The following DNAH3 variants were observed in gnomAD, a reference collection of about 807,000 sequenced individuals.
The protein encoded by DNAH3 is dynein axonemal heavy chain 3.
Under a neutral mutation model 432.5 loss-of-function variants are expected in DNAH3, and 332 were observed. The observed-to-expected ratio is 0.77, with a 90% CI of 0.70 to 0.84. DNAH3 has a LOEUF of 0.84. DNAH3 is among the 40% of genes least tolerant of loss of function. DNAH3 has a pLI of 0.00. For missense variants in DNAH3, 4,861 were observed against 5,114.0 expected (o/e 0.95, Z 1.51); for synonymous variants, 1,956 against 1,900.2 (o/e 1.03, Z -0.76).
intron 51 of DNAH3, among the ~76,000 whole-genome samples, chr16:20,973,695 C>T (rs933198278): frequency 6.6e-6 from 1 of 152,242 alleles, no homozygotes. Flanking sequence ...GTAGGTCAAG[C>T]CCTTACCAGG....
intron 47 of DNAH3, 113 bp downstream of exon 47, chr16:20,987,192 T>A: frequency 7.7e-7 from 1 of 1,299,178 alleles, no homozygotes; most frequent in East Asian, 2.3e-5. Flanking sequence ...TTCCCGAGAT[T>A]CAGAGTGCAG....
chr16:21,126,728 C>T (rs1425430128), intron 8 of DNAH3, among the ~76,000 whole-genome samples: 2 of 152,208 alleles, frequency 1.3e-5, no homozygotes, highest in Admixed American at 1.3e-4. Context: ...TCTGTATTTA[C>T]AGCCGCTCCC....
rs775943024 is a variant in DNAH3 at position 21,117,199 on chromosome 16, T to C, written c.1814+4A>G. On this transcript the variant is annotated splice_donor_region_variant and intron_variant, in intron 12 of 61. Coordinates refer to ENST00000261383, the Ensembl canonical transcript of DNAH3. ...ATAGCTAATAAATTTATAACTCAAC[T>C]TACTTGCAGGGGCCAACTTGATTTT... The C allele has an allele frequency of 6.3e-7, 1 of 1,589,024 alleles. No individual in the cohort carries two copies. The highest frequency in any genetic ancestry group is 1.1e-5 in the South Asian group (1 of 87,258).
Position 21,156,391 on chromosome 16 carries a change from C to T in DNAH3, c.117+2934G>A, listed in dbSNP as rs186843261. 2.9e-3 allele frequency among the ~76,000 whole-genome samples: 434 copies of T among 151,984 alleles called. 2 individuals are homozygous for T. The highest frequency in any genetic ancestry group is 1.0e-2 in the African/African-American group (413 of 41,434). On this transcript the variant is annotated intron_variant, in intron 1 of 61. Transcript: ENST00000261383. ...GGACTACAGGCATGTGCCACTATGC[C>T]CGGCTAACTTTTGTATTTTTAGTAG...
chr16:21,051,524 T>C (rs1183507642), intron 29 of DNAH3, 146 bp downstream of exon 29: 3 of 772,486 alleles, frequency 3.9e-6, no homozygotes, highest in Non-Finnish European at 6.3e-6. Context: ...CTAGTTTGCA[T>C]GCCCATCTTT....
rs1357432687 is a variant in DNAH3, at chr16:21,000,262, AAAAGGCCCT to A, written c.6374_6382del (p.Lys2125_Phe2128delinsIle). 8.1e-6 allele frequency: 13 copies of A among 1,614,040 alleles called. No homozygotes were observed. The East Asian group carries it at 2.9e-4, about 36-fold the overall frequency. Reference sequence around the variant, plus strand: ...TGCTTTCTTCCCTATGGGAGGCCCGAAAAGGCCCTTCCGTCGTCGATCCAGCTTGGACAT... The same window carrying A: ...TGCTTTCTTCCCTATGGGAGGCCCGATCCGTCGTCGATCCAGCTTGGACAT... On this transcript the variant is annotated inframe_deletion, in exon 43 of 62. Coordinates refer to ENST00000261383, the Ensembl canonical transcript of DNAH3.
intron 40 of DNAH3, among the ~76,000 whole-genome samples, chr16:21,020,350 A>G (rs936215752): frequency 0.028 from 317 of 11,348 alleles, 6 homozygotes; most frequent in African/African-American, 0.087. Context: ...TAGTGTGTGT[A>G]TATATATATA....
intron 39 of DNAH3, among the ~76,000 whole-genome samples, chr16:21,023,111 TC>T (rs2088339638): frequency 6.6e-6 from 1 of 152,200 alleles, no homozygotes; most frequent in Admixed American, 6.5e-5. Context: ...AGGAAGGCCA[TC>T]ACTAAATAAA....
intron 12 of DNAH3, 96 bp downstream of exon 12, chr16:21,117,107 G>T (rs1037802122): frequency 6.6e-6 from 5 of 757,128 alleles, no homozygotes; most frequent in African/African-American, 3.5e-5. Context: ...ATGTGTTCAG[G>T]TGTTTGGGAA....
chr16:21,049,887 G>C, intron 30 of DNAH3, 23 bp downstream of exon 30: 1 of 1,580,024 alleles, frequency 6.3e-7, no homozygotes, highest in Non-Finnish European at 8.7e-7. Flanking sequence ...AAGAGAGGGA[G>C]GGGATAGATG....
At position 21,003,103 on chromosome 16, in the gene DNAH3, C is replaced by T. The variant is rs539881039; in HGVS notation, c.6126+1G>A. The T allele has an allele frequency of 1.4e-5, 22 of 1,593,158 alleles. No homozygotes were observed. Among genetic ancestry groups the T allele is most frequent in the Non-Finnish European group, 1.7e-5 (20 of 1,161,502 alleles). ...TCCATGGCCAATGATTCTCTTTATA[C>T]CTTTGCACCAGCTGGAACTTTTTCC... On this transcript the variant is annotated splice_donor_variant, in intron 42 of 61. Transcript: ENST00000261383. LOFTEE classifies it high-confidence loss of function.
intron 18 of DNAH3, among the ~76,000 whole-genome samples, chr16:21,088,190 T>C (rs8060458): frequency 0.28 from 42,870 of 151,934 alleles, 6,185 homozygotes; most frequent in African/African-American, 0.34. Flanking sequence ...GTTGCGTGAT[T>C]AAAAATTTAA....
intron 3 of DNAH3, among the ~76,000 whole-genome samples, chr16:21,143,438 A>T (rs1290599668): frequency 6.6e-6 from 1 of 152,220 alleles, no homozygotes; most frequent in East Asian, 1.9e-4. Context: ...AATCAGGAAG[A>T]GGACCTTCAT....
chr16:21,054,281 A>G (rs749510216), intron 28 of DNAH3, 139 bp downstream of exon 28: 17 of 660,076 alleles, frequency 2.6e-5, no homozygotes, highest in Non-Finnish European at 4.1e-5. Context: ...TTTGGCTCTC[A>G]TCTTACTCTC....
exon 48 of DNAH3, chr16:20,985,212 G>A: frequency 6.2e-7 from 1 of 1,614,190 alleles, no homozygotes; most frequent in African/African-American, 1.3e-5. Flanking sequence ...CGTCACCTGT[G>A]TTCAGAAGCA....
At chr16:20,968,022 G>A (rs1266127338) in intron 52 of DNAH3, among the ~76,000 whole-genome samples, 1 of 152,164 alleles carries the variant, frequency 6.6e-6, no homozygotes, top group African/African-American at 2.4e-5. Context: ...AGAGAAGAGG[G>A]AATGCTAAGC....
At chr16:21,029,658 G>A (rs1446660184) in intron 37 of DNAH3, among the ~76,000 whole-genome samples, 1 of 152,134 alleles carries the variant, frequency 6.6e-6, no homozygotes, top group Non-Finnish European at 1.5e-5. Flanking sequence ...ACATACTGTG[G>A]CGCCATACTT....
At chr16:21,070,310 T>C (rs1048412729) in intron 22 of DNAH3, among the ~76,000 whole-genome samples, 2 of 152,146 alleles carry the variant, frequency 1.3e-5, no homozygotes, top group Non-Finnish European at 2.9e-5. Flanking sequence ...GAGACGGAGT[T>C]TCACTCTTGT....
chr16:20,989,104 G>T (rs551057478), intron 44 of DNAH3, among the ~76,000 whole-genome samples: 1 of 152,198 alleles, frequency 6.6e-6, no homozygotes, highest in Non-Finnish European at 1.5e-5. Context: ...AAAGAGACCC[G>T]AGCGGGTTAC....
Sources: gnomAD v4.1 joint callset for allele counts (sites outside exome capture counted in the v4.1 genomes callset) on GRCh38, gnomAD v4.1.1 for gene constraint, MANE v1.5 for transcripts, NCBI Gene and HGNC (gene_info 2026-07-23, HGNC 2026-07-21) for gene names.